SMAP2: variants seen among roughly 807,000 people sequenced by gnomAD.
SMAP2 encodes the protein stromal membrane-associated protein 2.
A neutral mutation model predicts 56.4 loss-of-function variants in SMAP2; 25 were observed. That is an observed-to-expected ratio of 0.44 (90% CI 0.32 to 0.62). The LOEUF (loss-of-function observed/expected upper bound fraction) is 0.62, where lower values mean the gene tolerates loss of function less well. Ranked by LOEUF, SMAP2 falls within the 20% of genes least tolerant of loss-of-function variation. SMAP2 has a pLI of 0.04. For synonymous variants in SMAP2, 157 were observed against 181.7 expected (o/e 0.86, Z 1.09); for missense variants, 388 against 545.6 (o/e 0.71, Z 2.88).
chr1:40,412,879 G>A (rs770735826), intron 4 of SMAP2, 137 bp from the exon 5 acceptor site: 43 of 627,232 alleles, frequency 6.9e-5, no homozygotes, highest in East Asian at 8.8e-5. Context: ...CCAAGACACC[G>A]CCCCCCAAGC....
intron 1 of SMAP2, among the ~76,000 whole-genome samples, chr1:40,388,516 T>C (rs1644684080): frequency 1.3e-5 from 2 of 152,174 alleles, no homozygotes; most frequent in Admixed American, 6.5e-5. Flanking sequence ...GTGGACACTC[T>C]GTATCTAGCT....
exon 1 of SMAP2, chr1:40,344,868 G>C (rs1644378999): frequency 6.6e-6 from 1 of 152,104 alleles, no homozygotes. Flanking sequence ...TTCATTCCTA[G>C]CTCAGAAAGC....
At position 40,416,888 on chromosome 1, in the gene SMAP2, G is replaced by C. The variant is rs141892159; in HGVS notation, c.956G>C (p.Gly319Ala). 376 of 1,614,064 alleles carry C rather than the reference G, an allele frequency of 2.3e-4. No individual in the cohort carries two copies. The highest frequency in any genetic ancestry group is 3.0e-4 in the Non-Finnish European group (356 of 1,180,036). ...IMGSMMPPPV[G>A]MVAQPGASGM... is the part of the protein sequence containing the mutation. The stretch of plus-strand genomic sequence containing the variant: ...GGGAGCATGATGCCTCCACCAGTAG[G>C]CATGGTTGCTCAGCCAGGAGCTTCT... Residue 319 changes from glycine (G) to alanine (A), a missense_variant, in exon 9 of 10, where the codon GGC becomes GCC. Physicochemically the swap from Gly to Ala is moderately conservative, Grantham distance 60. Coordinates refer to ENST00000372718, the MANE Select transcript of SMAP2 (RefSeq NM_022733.3).
At chr1:40,363,795 G>C (rs72948138) in intron 2 of SMAP2, among the ~76,000 whole-genome samples, 2 of 152,230 alleles carry the variant, frequency 1.3e-5, no homozygotes, top group Non-Finnish European at 2.9e-5. Flanking sequence ...TTGGGGGAAG[G>C]AGAGTGCAGT....
At chr1:40,380,331 T>G (rs1316901012) in intron 1 of SMAP2, among the ~76,000 whole-genome samples, 1 of 152,194 alleles carries the variant, frequency 6.6e-6, no homozygotes, top group South Asian at 2.1e-4. Flanking sequence ...GATTTCAAAC[T>G]TGTATGAAAG....
intron 2 of SMAP2, among the ~76,000 whole-genome samples, chr1:40,363,530 G>A (rs1204580729): frequency 6.6e-6 from 1 of 151,994 alleles, no homozygotes; most frequent in Non-Finnish European, 1.5e-5. Flanking sequence ...TATCTAGGAA[G>A]GCAGAGCAAG....
intron 1 of SMAP2, among the ~76,000 whole-genome samples, chr1:40,357,978 T>C (rs1200543753): frequency 6.6e-6 from 1 of 152,134 alleles, no homozygotes; most frequent in Non-Finnish European, 1.5e-5. Flanking sequence ...TATTGGTTTT[T>C]TTTTTAATAG....
chr1:40,388,027 C>T (rs1022393466), intron 1 of SMAP2, among the ~76,000 whole-genome samples: 1 of 152,178 alleles, frequency 6.6e-6, no homozygotes, highest in African/African-American at 2.4e-5. Context: ...GCTGGGTCCC[C>T]CAGCAGTGCC....
At chr1:40,420,192 A>G (rs930543873) in intron 9 of SMAP2, among the ~76,000 whole-genome samples, 1 of 152,018 alleles carries the variant, frequency 6.6e-6, no homozygotes, top group Admixed American at 6.5e-5. Context: ...TTCTACCTCA[A>G]TTTCCGTAGG....
intron 7 of SMAP2, 96 bp from the exon 8 acceptor site, chr1:40,416,080 T>C: frequency 8.5e-7 from 1 of 1,170,520 alleles, no homozygotes; most frequent in Non-Finnish European, 1.2e-6. Flanking sequence ...TGAATTCTTA[T>C]TGCAGATGTT....
At chr1:40,354,845 C>T (rs1434407097) in intron 1 of SMAP2, among the ~76,000 whole-genome samples, 33 of 115,290 alleles carry the variant, frequency 2.9e-4, no homozygotes, top group African/African-American at 1.1e-3. Context: ...GGCGTGATCT[C>T]GGCCCTTAGC....
chr1:40,388,140 T>G (rs1335013154), intron 1 of SMAP2, among the ~76,000 whole-genome samples: 2 of 152,018 alleles, frequency 1.3e-5, no homozygotes, highest in African/African-American at 2.4e-5. Flanking sequence ...TCCCCCCACC[T>G]CTGTGGGCTC....
Position 40,408,737 on chromosome 1 carries a change from C to T in SMAP2, c.322C>T (p.Pro108Ser), listed in dbSNP as rs768628828. Residue 108 changes from proline (P) to serine (S), a missense_variant and splice_region_variant, in exon 3 of 10, where the codon CCA becomes TCA. Coordinates refer to ENST00000372718, the MANE Select transcript of SMAP2 (RefSeq NM_022733.3). This position sits in a 1 kb window ranked among gnomAD's most constrained non-coding sequence, Gnocchi z 4.3. ...GACCTTTCGGCGACCTCAGATAGACCCGTATCTTTTCTGGAGCAACTTAGA... is the reference window on the plus strand; with the variant it reads ...GACCTTTCGGCGACCTCAGATAGACTCGTATCTTTTCTGGAGCAACTTAGA... ...PETFRRPQID[P>S]AVEGFIRDKY... 8 of 1,613,090 alleles carry T rather than the reference C, an allele frequency of 5.0e-6. No individual in the cohort carries two copies. The Admixed American group carries it at 1.3e-4, about 27-fold the overall frequency.
chr1:40,392,861 A>G (rs1180346769), intron 1 of SMAP2, among the ~76,000 whole-genome samples: 3 of 152,114 alleles, frequency 2.0e-5, no homozygotes, highest in Non-Finnish European at 4.4e-5. Context: ...GCACGTTGGG[A>G]GGCCGAGGCA....
intron 2 of SMAP2, among the ~76,000 whole-genome samples, chr1:40,367,715 G>C (rs2124185921): frequency 6.9e-6 from 1 of 145,558 alleles, no homozygotes; most frequent in Admixed American, 7.0e-5. Context: ...TGTGTAGAGG[G>C]AAATTTTTAG....
At position 40,373,976 on chromosome 1, in the gene SMAP2, G is replaced by A; in HGVS notation, c.-145G>A. The A allele has an allele frequency of 1.6e-6, 1 of 613,228 alleles. No homozygotes were observed. Among genetic ancestry groups the A allele is most frequent in the South Asian group, 2.0e-5 (1 of 50,478 alleles). 38.0% of individuals were successfully genotyped at this position (613,228 alleles called of 1,614,324 possible). A position where few individuals can be genotyped will look rare whatever the true frequency, so the allele number is the denominator to read the frequency against. ...GGACGCCCCCGACCCGGGAAGGGGC[G>A]TCCGGCGGGGCCGGAGGAGAGGGCT... On this transcript the variant is annotated 5_prime_UTR_variant, in exon 1 of 10. Coordinates refer to ENST00000372718, the MANE Select transcript of SMAP2 (RefSeq NM_022733.3).
chr1:40,377,605 A>G (rs1264789602), intron 1 of SMAP2, among the ~76,000 whole-genome samples: 1 of 152,216 alleles, frequency 6.6e-6, no homozygotes, highest in African/African-American at 2.4e-5. Flanking sequence ...AACAGAGGAC[A>G]AAACTACTGA....
At position 40,415,076 on chromosome 1, in the gene SMAP2, T is replaced by C. The variant is rs2294754; in HGVS notation, c.572-196T>C. 3.3e-5 allele frequency among the ~76,000 whole-genome samples: 5 copies of C among 152,348 alleles called. No homozygotes were observed. In the East Asian group the frequency reaches 9.6e-4, roughly 29 times the overall value. On this transcript the variant is annotated intron_variant, in intron 6 of 9. Coordinates refer to ENST00000372718, the MANE Select transcript of SMAP2 (RefSeq NM_022733.3). ...GCTGCCCTGTGCCTGATAGCTGGGC[T>C]ACAGGCTTCCCCAGAGCACTCTGGG...
intron 1 of SMAP2, among the ~76,000 whole-genome samples, chr1:40,384,669 C>A (rs936574480): frequency 6.6e-6 from 1 of 152,176 alleles, no homozygotes; most frequent in Non-Finnish European, 1.5e-5. Context: ...AAAGGACTCT[C>A]GTTGTTTGAG....
Sources: gnomAD v4.1 joint callset for allele counts (sites outside exome capture counted in the v4.1 genomes callset) on GRCh38, gnomAD v4.1.1 for gene constraint, Gnocchi (gnomAD v3.1) non-coding constraint, MANE v1.5 for transcripts, NCBI Gene and HGNC (gene_info 2026-07-23, HGNC 2026-07-21) for gene names.